Variants in RHCG observed in about 807,000 individuals in gnomAD.
RHCG encodes the protein ammonium transporter Rh type C.
A neutral mutation model predicts 55.3 loss-of-function variants in RHCG; 39 were observed. The observed-to-expected ratio is 0.70, with a 90% confidence interval of 0.55 to 0.92. The LOEUF is 0.92. RHCG is among the 40% of genes least tolerant of loss of function. The pLI is 0.00. For missense variants in RHCG, 635 were observed against 627.9 expected (o/e 1.01, Z -0.12); for synonymous variants, 250 against 246.8 (o/e 1.01, Z -0.12).
rs770191992 is a variant in RHCG at position 89,480,276 on chromosome 15, G to A, written c.655C>T (p.Leu219Phe). 6.2e-7 allele frequency: 1 copy of A among 1,614,136 alleles called. No homozygotes were observed. ...ERQNSVYQSD[L>F]FAMIGTLFLW... ...CAGTTCTCACCAATCATGGCAAAGA[G>A]GTCCGACTGGTACACAGAATTCTGT... The change falls in exon 4 of 11, where the codon CTC becomes TTC. Residue 219 changes from leucine (L) to phenylalanine (F), a missense_variant. Transcript: ENST00000268122.
chr15:89,496,292 C>A lies in RHCG; in HGVS notation c.184+69G>T, dbSNP rs1961564200. 6 of 1,547,610 alleles carry A rather than the reference C, an allele frequency of 3.9e-6. No individual in the cohort carries two copies. The East Asian group carries it at 9.0e-5, about 23-fold the overall frequency. ...ATCCCCTCCTCTGCCCAGCTCTGGGCCGAGCCCTTGGCCAGGTGGGGACCG... is the reference window on the plus strand; with the variant it reads ...ATCCCCTCCTCTGCCCAGCTCTGGGACGAGCCCTTGGCCAGGTGGGGACCG... On this transcript the variant is annotated intron_variant, in intron 1 of 10. Coordinates refer to ENST00000268122, the MANE Select transcript of RHCG (RefSeq NM_016321.3).
Position 89,477,235 on chromosome 15 carries a change from G to T in RHCG, c.1113-29C>A, listed in dbSNP as rs1201607746. ...GGGTGGAGACAGGGGGCAGGTCAGG[G>T]CCCCATGGAGAGGCCAAGTAACAGC... On this transcript the variant is annotated intron_variant, in intron 7 of 10. Transcript: ENST00000268122. The surrounding 1 kb of genome is among the most constrained non-coding windows in gnomAD (Gnocchi z 4.5). The T allele has an allele frequency of 6.2e-7, 1 of 1,611,878 alleles. No individual in the cohort carries two copies. Among genetic ancestry groups the T allele is most frequent in the African/African-American group, 1.3e-5 (1 of 74,762 alleles).
chr15:89,473,648 AC>A (rs1250476460), intron 9 of RHCG, among the ~76,000 whole-genome samples: 3 of 152,208 alleles, frequency 2.0e-5, no homozygotes, highest in African/African-American at 7.2e-5. Flanking sequence ...AAAACAAAAA[AC>A]AATACAGCAT....
intron 2 of RHCG, among the ~76,000 whole-genome samples, chr15:89,485,368 G>A (rs955149736): frequency 6.6e-6 from 1 of 152,198 alleles, no homozygotes; most frequent in African/African-American, 2.4e-5. Flanking sequence ...AAAAAGACTT[G>A]TTTACTGGTT....
At chr15:89,486,736 G>A in intron 2 of RHCG, 63 bp downstream of exon 2, 1 of 1,520,346 alleles carries the variant, frequency 6.6e-7, no homozygotes, top group South Asian at 1.3e-5. Context: ...CCTCCCTCAG[G>A]CTCACCTGCC....
chr15:89,474,953 CA>C lies in RHCG; in HGVS notation c.1311+1801del, dbSNP rs1174702266. ...GCCTTCCTGCCTTCCTGCCTTCATTCATTCCTGCCTGCCTGCCTTCATTCAT... is the reference window on the plus strand; with the variant it reads ...GCCTTCCTGCCTTCCTGCCTTCATTCTTCCTGCCTGCCTGCCTTCATTCAT... On this transcript the variant is annotated intron_variant, in intron 9 of 10. Transcript: ENST00000268122. Among the ~76,000 whole-genome samples, 73 of 136,584 alleles carry C rather than the reference CA, an allele frequency of 5.3e-4. 13 individuals are homozygous for C. The highest frequency in any genetic ancestry group is 3.7e-3 in the Middle Eastern group (1 of 268). 89.6% of individuals were successfully genotyped at this position (136,584 alleles called of 152,430 possible).
rs115606190 is a variant in RHCG, at chr15:89,479,475, C to T, written c.684G>A (p.Leu228=). Residue 228 remains leucine (L), a synonymous_variant, in exon 5 of 11, where the codon CTG becomes CTA. Transcript: ENST00000268122. The stretch of plus-strand genomic sequence containing the variant: ...AGTTGAAGCTGGGCCAGTACATCCA[C>T]AGGAAGAGGGTGCCTGGTCAGACCA... ...DLFAMIGTLF[L]WMYWPSFNSA... The T allele has an allele frequency of 2.5e-4, 402 of 1,612,662 alleles. 2 individuals are homozygous for T. In the African/African-American group the frequency reaches 5.1e-3, roughly 20 times the overall value.
rs201240839 is a variant in RHCG, at chr15:89,472,744, C to G, written c.1431G>C (p.Leu477Phe). ...CACCTGCCCTGGGAGCCTAGGGTAC[C>G]AAGGGTACCGAGGAAGCCATGGGTA... ...SPLPMASSVPLVP is the reference protein window; with the variant it reads ...SPLPMASSVPFVP Residue 477 changes from leucine to phenylalanine, a missense_variant, in exon 10 of 11, where the codon TTG (leucine) becomes TTC (phenylalanine). Physicochemically the swap from Leu to Phe is conservative, Grantham distance 22 (BLOSUM62 0). Transcript: ENST00000268122. 1 of 1,605,546 alleles carries G rather than the reference C, an allele frequency of 6.2e-7. No individual in the cohort carries two copies. The highest frequency in any genetic ancestry group is 1.3e-5 in the African/African-American group (1 of 74,700).
At chr15:89,489,583 C>T (rs1264898341) in intron 1 of RHCG, among the ~76,000 whole-genome samples, 4 of 152,340 alleles carry the variant, frequency 2.6e-5, no homozygotes, top group African/African-American at 7.2e-5. Context: ...CTCCCTCACC[C>T]ACCTGCCTCC....
rs773196313 is a variant in RHCG, at chr15:89,496,475, T to C, written c.70A>G (p.Ile24Val). Residue 24 changes from isoleucine (I) to valine (V), a missense_variant, in exon 1 of 11, where the codon ATT (isoleucine) becomes GTT (valine). Transcript: ENST00000268122. Reference sequence around the variant, plus strand: ...TAGCGCACGAACACCCCGAAGAGAATCACCATAATCACCTGCAGGAGCAGG... The same window carrying C: ...TAGCGCACGAACACCCCGAAGAGAACCACCATAATCACCTGCAGGAGCAGG... ...TCLLLQVIMV[I>V]LFGVFVRYDF... The C allele has an allele frequency of 8.7e-6, 14 of 1,613,790 alleles. No homozygotes were observed. Among genetic ancestry groups the C allele is most frequent in the Non-Finnish European group, 1.2e-5 (14 of 1,179,948 alleles).
Position 89,480,299 on chromosome 15 carries a change from T to C in RHCG, c.632A>G (p.Gln211Arg), listed in dbSNP as rs765167851. ...RRNLEQSKER[Q>R]NSVYQSDLFA... ...GAGGTCCGACTGGTACACAGAATTC[T>C]GTCTCTCCTTGCTCTGCTCTAGGTT... is the stretch of plus-strand genomic sequence containing the variant. The change falls in exon 4 of 11, where the codon CAG becomes CGG. Residue 211 changes from glutamine (Q) to arginine (R), a missense_variant. By Grantham distance (43) the Gln-to-Arg change is conservative. Coordinates refer to ENST00000268122, the MANE Select transcript of RHCG (RefSeq NM_016321.3). 6.8e-6 allele frequency: 11 copies of C among 1,614,174 alleles called. No homozygotes were observed. The highest frequency in any genetic ancestry group is 9.3e-6 in the Non-Finnish European group (11 of 1,180,006).
At chr15:89,486,547 TGAGA>T (rs145810512) in intron 2 of RHCG, 14 of 465,796 alleles carry the variant, frequency 3.0e-5, no homozygotes, top group East Asian at 1.0e-4. Context: ...GGAAGCGAAG[TGAGA>T]GAGAGAGAGA....
intron 1 of RHCG, among the ~76,000 whole-genome samples, chr15:89,494,808 C>T (rs1961536951): frequency 6.6e-6 from 1 of 152,052 alleles, no homozygotes; most frequent in Non-Finnish European, 1.5e-5. Flanking sequence ...TCGCACCCAG[C>T]CTATTTAAGG....
At position 89,471,452 on chromosome 15, in the gene RHCG, CACACA is replaced by C. The variant is rs1961034615; in HGVS notation, c.*423_*427del. 1 of 152,488 alleles carries C rather than the reference CACACA, an allele frequency of 6.6e-6. No homozygotes were observed. The highest frequency in any genetic ancestry group is 2.1e-4 in the South Asian group (1 of 4,844). 9.4% of individuals were successfully genotyped at this position (152,488 alleles called of 1,614,324 possible). A position where few individuals can be genotyped will look rare whatever the true frequency, so the allele number is the denominator to read the frequency against. ...ATGTTTATTCCTGGAGGCTGCCACGCACACAACACAGAGAGGTCTGGGGGACCCAG... is the reference window on the plus strand; with the variant it reads ...ATGTTTATTCCTGGAGGCTGCCACGCACACAGAGAGGTCTGGGGGACCCAG... On this transcript the variant is annotated 3_prime_UTR_variant, in exon 11 of 11. Transcript: ENST00000268122.
chr15:89,496,241 A>G, intron 1 of RHCG, 120 bp downstream of exon 1: 1 of 963,436 alleles, frequency 1.0e-6, no homozygotes, highest in Non-Finnish European at 1.6e-6. Flanking sequence ...GGCCGGCGAG[A>G]TGCGGAGTCC....
chr15:89,486,443 T>C (rs972736988), intron 2 of RHCG: 1 of 461,050 alleles, frequency 2.2e-6, no homozygotes, highest in Admixed American at 2.3e-5. Context: ...GAGGAAAGTC[T>C]AGCCTCAAGT....
chr15:89,488,777 G>GC (rs1961420233), intron 1 of RHCG, among the ~76,000 whole-genome samples: 1 of 150,766 alleles, frequency 6.6e-6, no homozygotes, highest in Non-Finnish European at 1.5e-5. Context: ...GGAGAATGGG[G>GC]GGGGGGGAGT....
Position 89,477,286 on chromosome 15 carries a change from G to T in RHCG, c.1113-80C>A. 1 of 1,570,370 alleles carries T rather than the reference G, an allele frequency of 6.4e-7. No homozygotes were observed. The highest frequency in any genetic ancestry group is 1.1e-5 in the South Asian group (1 of 87,708). On this transcript the variant is annotated intron_variant, in intron 7 of 10. Coordinates refer to ENST00000268122, the MANE Select transcript of RHCG (RefSeq NM_016321.3). This position sits in a 1 kb window ranked among gnomAD's most constrained non-coding sequence, Gnocchi z 4.5. ...TTGCTGCCACCCCAAAAATGTGACC[G>T]GGTACCACGGGCCTCAGCCTTCCCA...
chr15:89,472,821 T>G lies in RHCG; in HGVS notation c.1354A>C (p.Thr452Pro), dbSNP rs776478662. The G allele has an allele frequency of 6.5e-7, 1 of 1,549,174 alleles. No homozygotes were observed. Among genetic ancestry groups the G allele is most frequent in the Non-Finnish European group, 8.7e-7 (1 of 1,145,616 alleles). ...NSTVYIPEDP[T>P]FKPSGPSVPS... ...ACTGAGGGTCCTGAGGGCTTGAAGG[T>G]GGGGTCCTCAGGGATGTAGACAGTG... Residue 452 changes from threonine to proline, a missense_variant, in exon 10 of 11, where the codon ACC becomes CCC. Physicochemically the swap from Thr to Pro is conservative, Grantham distance 38 (BLOSUM62 -1). Coordinates refer to ENST00000268122, the MANE Select transcript of RHCG (RefSeq NM_016321.3).
Sources: gnomAD v4.1 joint callset for allele counts (sites outside exome capture counted in the v4.1 genomes callset) on GRCh38, gnomAD v4.1.1 for gene constraint, Gnocchi (gnomAD v3.1) non-coding constraint, MANE v1.5 for transcripts, NCBI Gene and HGNC (gene_info 2026-07-23, HGNC 2026-07-21) for gene names.